Variants in TAFA5 observed in about 807,000 individuals in gnomAD.
TAFA5 encodes chemokine-like protein TAFA-5.
In TAFA5, 6 loss-of-function variants were observed where a neutral mutation model predicts 15.3. The ratio of observed to expected loss-of-function variants is 0.39; its 90% CI spans 0.21 to 0.77. The LOEUF (loss-of-function observed/expected upper bound fraction) is 0.77. Among genes scored for constraint, TAFA5 ranks in the 30% least tolerant of loss-of-function variants. The pLI, the probability that TAFA5 is intolerant of heterozygous loss-of-function variation, is 0.41. For synonymous variants in TAFA5, 103 were observed against 80.7 expected, an observed-to-expected ratio of 1.28 and a Z score of -1.48; for missense variants, 161 against 193.1, an observed-to-expected ratio of 0.83 and a Z score of 0.98.
intron 1 of TAFA5, among the ~76,000 whole-genome samples, chr22:48,600,835 T>C (rs980774778): frequency 2.6e-5 from 4 of 152,204 alleles, no homozygotes; most frequent in Non-Finnish European, 5.9e-5. Context: ...CACTGGTCAC[T>C]TGGGAGCCAG....
At chr22:48,621,660 A>T (rs1044669034) in intron 1 of TAFA5, among the ~76,000 whole-genome samples, 2 of 152,204 alleles carry the variant, frequency 1.3e-5, no homozygotes, top group African/African-American at 4.8e-5. Flanking sequence ...AGCCTGCGGC[A>T]TCAGGAGAGC....
chr22:48,494,361 C>T (rs985964975), intron 1 of TAFA5, among the ~76,000 whole-genome samples: 1 of 152,198 alleles, frequency 6.6e-6, no homozygotes, highest in Non-Finnish European at 1.5e-5. Flanking sequence ...CAGATTGCCA[C>T]CTGTCACCCG....
At chr22:48,659,428 G>A (rs2147212808) in intron 2 of TAFA5, among the ~76,000 whole-genome samples, 1 of 152,354 alleles carries the variant, frequency 6.6e-6, no homozygotes, top group South Asian at 2.1e-4. Flanking sequence ...ATTCTCCTCA[G>A]GGGGTCCAGA....
chr22:48,499,305 A>G (rs1242426105), intron 1 of TAFA5, among the ~76,000 whole-genome samples: 3 of 151,936 alleles, frequency 2.0e-5, no homozygotes, highest in African/African-American at 7.3e-5. Context: ...CTTTCCCCTC[A>G]TCTTCCTGCT....
chr22:48,604,231 T>C (rs1256501632), intron 1 of TAFA5, among the ~76,000 whole-genome samples: 1 of 152,048 alleles, frequency 6.6e-6, no homozygotes, highest in East Asian at 1.9e-4. Flanking sequence ...ACCGAGTGTT[T>C]ACATCTCAGG....
intron 1 of TAFA5, among the ~76,000 whole-genome samples, chr22:48,591,537 G>A (rs1280470871): frequency 1.3e-5 from 2 of 152,252 alleles, no homozygotes; most frequent in Non-Finnish European, 2.9e-5. Context: ...CCTCGCATTG[G>A]ACAGAGTCAT....
intron 2 of TAFA5, among the ~76,000 whole-genome samples, chr22:48,696,116 C>T (rs111288280): frequency 6.6e-6 from 1 of 152,286 alleles, no homozygotes; most frequent in South Asian, 2.1e-4. Context: ...TCTCGGGGTT[C>T]GATGGGCGGG....
At chr22:48,519,851 A>T (rs1921542715) in intron 1 of TAFA5, among the ~76,000 whole-genome samples, 1 of 152,214 alleles carries the variant, frequency 6.6e-6, no homozygotes. Context: ...GTGCCATGGA[A>T]ACAGGGTAAT....
At chr22:48,723,717 AG>A (rs1473447951) in intron 3 of TAFA5, among the ~76,000 whole-genome samples, 2 of 152,222 alleles carry the variant, frequency 1.3e-5, no homozygotes, top group Non-Finnish European at 2.9e-5. Context: ...TATCTGTAGA[AG>A]GGGGTAAGAA....
intron 2 of TAFA5, among the ~76,000 whole-genome samples, chr22:48,696,720 A>G (rs1928724109): frequency 6.6e-6 from 1 of 152,204 alleles, no homozygotes; most frequent in African/African-American, 2.4e-5. Flanking sequence ...CTGCCTTCAA[A>G]ATCTCTCAGC....
chr22:48,614,104 C>T (rs973460757), intron 1 of TAFA5, among the ~76,000 whole-genome samples: 1 of 152,160 alleles, frequency 6.6e-6, no homozygotes, highest in Non-Finnish European at 1.5e-5. Context: ...CTCAGGACAG[C>T]CGGTGTGCTT....
intron 1 of TAFA5, among the ~76,000 whole-genome samples, chr22:48,562,505 C>G (rs575148073): frequency 1.2e-4 from 19 of 152,176 alleles, no homozygotes; most frequent in African/African-American, 4.6e-4. Context: ...GTGGACCTTA[C>G]AAGGCCTGTG....
In TAFA5 at chr22:48,725,431, G is replaced by C. The variant is rs530625694; in HGVS notation, c.390+17587G>C. Among the ~76,000 whole-genome samples, 14 of 152,256 alleles carry C rather than the reference G, an allele frequency of 9.2e-5. No homozygotes were observed. In the South Asian group the frequency reaches 2.3e-3, roughly 25 times the overall value. On this transcript the variant is annotated intron_variant, in intron 3 of 3. Transcript: ENST00000402357. ...TAGGGCAGAGGTAGCTCTGAAAATA[G>C]ATCTCTGCAGTAAACAGACAATACT... is the stretch of plus-strand genomic sequence containing the variant.
At chr22:48,642,934 C>T (rs1569060995) in intron 1 of TAFA5, among the ~76,000 whole-genome samples, 1 of 152,160 alleles carries the variant, frequency 6.6e-6, no homozygotes, top group Non-Finnish European at 1.5e-5. Context: ...CTCTTGGCTG[C>T]CCTGGCCCTG....
At chr22:48,691,536 C>T (rs1025487171) in intron 2 of TAFA5, among the ~76,000 whole-genome samples, 1 of 152,168 alleles carries the variant, frequency 6.6e-6, no homozygotes, top group Admixed American at 6.5e-5. Context: ...GATGCAGCCT[C>T]GCGAGGAACG....
intron 1 of TAFA5, among the ~76,000 whole-genome samples, chr22:48,542,508 G>GGTGT (rs1922464287): frequency 8.2e-6 from 1 of 122,668 alleles, no homozygotes; most frequent in Admixed American, 8.7e-5. Context: ...GTGCGTGTGT[G>GGTGT]GCATGTGTGT....
At chr22:48,603,570 G>A (rs533093363) in intron 1 of TAFA5, among the ~76,000 whole-genome samples, 18 of 152,296 alleles carry the variant, frequency 1.2e-4, no homozygotes, top group African/African-American at 1.7e-4. Context: ...GGTATCTTCC[G>A]GACCTGGCCT....
chr22:48,575,672 A>G (rs1431783115), intron 1 of TAFA5, among the ~76,000 whole-genome samples: 2 of 145,482 alleles, frequency 1.4e-5, no homozygotes, highest in African/African-American at 4.9e-5. Flanking sequence ...GCCCGGACCT[A>G]GTCCCGGCCG....
intron 2 of TAFA5, among the ~76,000 whole-genome samples, chr22:48,687,026 G>A (rs1183715219): frequency 6.6e-6 from 1 of 151,250 alleles, no homozygotes; most frequent in East Asian, 2.0e-4. Context: ...GTGGATGGAT[G>A]GATGGATTGA....
Sources: allele counts gnomAD v4.1 joint callset (sites outside exome capture counted in the v4.1 genomes callset), GRCh38; gene constraint gnomAD v4.1.1; transcripts MANE v1.5; gene names NCBI Gene and HGNC (gene_info 2026-07-23, HGNC 2026-07-21).